Variants in CDH3 observed in about 807,000 individuals in gnomAD.
CDH3 encodes the protein cadherin 3.
CDH3 carries 54 observed loss-of-function variants against 82.0 expected under a neutral mutation model. The observed-to-expected ratio is 0.66, with a 90% CI of 0.53 to 0.83. The LOEUF (loss-of-function observed/expected upper bound fraction) is 0.83, where lower values mean the gene tolerates loss of function less well. Among genes scored for constraint, CDH3 ranks in the 40% least tolerant of loss-of-function variants. CDH3 has a pLI of 0.00. For missense variants in CDH3, 1,054 were observed against 1,084.6 expected, an observed-to-expected ratio of 0.97 and a Z score of 0.40; for synonymous variants, 446 against 437.9, an observed-to-expected ratio of 1.02 and a Z score of -0.23.
intron 9 of CDH3, among the ~76,000 whole-genome samples, chr16:68,683,706 GA>G (rs1211855143): frequency 2.3e-4 from 6 of 26,140 alleles, no homozygotes; most frequent in Admixed American, 4.3e-4. Context: ...ACAACATGGA[GA>G]AAAAAAAAAA....
rs752024803 is a variant in CDH3, at chr16:68,678,185, C to T, written c.298C>T (p.Arg100Cys). 22 of 1,613,568 alleles carry T rather than the reference C, an allele frequency of 1.4e-5. No individual in the cohort carries two copies. Among genetic ancestry groups the T allele is most frequent in the East Asian group, 6.7e-5 (3 of 44,888 alleles). ...TCCATTGAAGATCTTCCCATCCAAA[C>T]GTATCTTACGAAGACACAAGAGAGA... is the stretch of plus-strand genomic sequence containing the variant. ...RNPLKIFPSKRILRRHKRDWV... is the reference protein window; with the variant it reads ...RNPLKIFPSKCILRRHKRDWV... The change falls in exon 4 of 16, where the codon CGT (arginine) becomes TGT (cysteine). Residue 100 changes from arginine (R) to cysteine (C), a missense_variant. Physicochemically the swap from Arg to Cys is radical, Grantham distance 180. Coordinates refer to ENST00000264012, the MANE Select transcript of CDH3 (RefSeq NM_001793.6).
chr16:68,694,656 C>T (rs1002569995), intron 13 of CDH3, among the ~76,000 whole-genome samples: 1 of 151,834 alleles, frequency 6.6e-6, no homozygotes, highest in African/African-American at 2.4e-5. Context: ...ACACTGCATT[C>T]CACGTAAGTT....
Position 68,645,690 on chromosome 16 carries a change from G to A in CDH3, c.100G>A (p.Ala34Thr), listed in dbSNP as rs749754991. The change falls in exon 2 of 16, where the codon GCT becomes ACT. Residue 34 changes from alanine to threonine, a missense_variant. Transcript: ENST00000264012. ...GCCGTGCCGGGCGGTCTTCAGGGAGGCTGAAGTGACCTTGGAGGCGGGAGG... is the reference window on the plus strand; with the variant it reads ...GCCGTGCCGGGCGGTCTTCAGGGAGACTGAAGTGACCTTGGAGGCGGGAGG... ...SEPCRAVFRE[A>T]EVTLEAGGAE... 3.4e-5 allele frequency: 52 copies of A among 1,546,142 alleles called. No homozygotes were observed. The South Asian group carries it at 5.8e-4, about 17-fold the overall frequency.
rs1037563477 is a variant in CDH3 at position 68,719,569 on chromosome 16, G to A, written c.100-2856G>A. On this transcript the variant is annotated intron_variant, in intron 1 of 2. Coordinates refer to the CDH3 transcript ENST00000569080. ...GTCACCCAGGCTGGAGTGCAGTGGC[G>A]CCATCTTGGCTCACTGCAACCTCTG... Among the ~76,000 whole-genome samples, 6 of 145,146 alleles carry A rather than the reference G, an allele frequency of 4.1e-5. No individual in the cohort carries two copies. In the South Asian group the frequency reaches 6.8e-4, roughly 16 times the overall value.
chr16:68,664,799 C>A (rs1960690154), intron 2 of CDH3, among the ~76,000 whole-genome samples: 1 of 151,994 alleles, frequency 6.6e-6, no homozygotes, highest in Non-Finnish European at 1.5e-5. Flanking sequence ...GCTGGGACCA[C>A]AGGCATGCAC....
chr16:68,685,485 A>T, intron 11 of CDH3, 135 bp downstream of exon 11: 1 of 911,052 alleles, frequency 1.1e-6, no homozygotes, highest in Non-Finnish European at 1.7e-6. Context: ...CAGACGGTCA[A>T]AGGGGTCTTT....
chr16:68,670,223 C>CAAAAA (rs71148932), intron 2 of CDH3, among the ~76,000 whole-genome samples: 24 of 90,988 alleles, frequency 2.6e-4, no homozygotes, highest in African/African-American at 7.1e-4. Context: ...GACTCTGTCT[C>CAAAAA]AAAAAAAAAA....
chr16:68,706,064 CA>C (rs548695101), intron 1 of CDH3, among the ~76,000 whole-genome samples: 21,273 of 70,550 alleles, frequency 0.3, 2,032 homozygotes, highest in African/African-American at 0.46. Flanking sequence ...GACTCCGTCT[CA>C]AAAAAAAAAA....
intron 14 of CDH3, 71 bp downstream of exon 14, chr16:68,695,456 C>T: frequency 6.8e-7 from 1 of 1,480,030 alleles, no homozygotes; most frequent in Admixed American, 2.0e-5. Context: ...GTTGGGTCAA[C>T]CAACTGACCA....
At chr16:68,723,197 G>A (rs1962183394) in intron 2 of CDH3, among the ~76,000 whole-genome samples, 4 of 151,980 alleles carry the variant, frequency 2.6e-5, no homozygotes, top group Admixed American at 2.6e-4. Context: ...AGAAGTACTT[G>A]TTAGAAGATG....
intron 13 of CDH3, 95 bp from the exon 14 acceptor site, chr16:68,695,160 G>T: frequency 7.7e-7 from 1 of 1,290,882 alleles, no homozygotes; most frequent in Non-Finnish European, 1.1e-6. Flanking sequence ...GCTACTGAGT[G>T]AGGACATCTG....
intron 7 of CDH3, among the ~76,000 whole-genome samples, chr16:68,680,450 G>A (rs373176215): frequency 6.6e-5 from 10 of 152,190 alleles, no homozygotes; most frequent in East Asian, 5.8e-4. Context: ...AGGCCAAGGC[G>A]GGAGGATCAC....
intron 11 of CDH3, among the ~76,000 whole-genome samples, chr16:68,686,875 C>T (rs910040978): frequency 3.9e-5 from 6 of 152,218 alleles, no homozygotes; most frequent in South Asian, 2.1e-4. Flanking sequence ...GGCTGAGGCA[C>T]GAGAATCACC....
chr16:68,683,258 C>A (rs770411392), intron 9 of CDH3, among the ~76,000 whole-genome samples: 3 of 152,096 alleles, frequency 2.0e-5, no homozygotes, highest in African/African-American at 4.8e-5. Context: ...CTTTGTAATG[C>A]CACTTCGACA....
intron 2 of CDH3, among the ~76,000 whole-genome samples, chr16:68,672,060 C>T (rs541641072): frequency 3.4e-4 from 52 of 151,846 alleles, no homozygotes; most frequent in Non-Finnish European, 6.0e-4. Flanking sequence ...GGCGAGGTGG[C>T]GGGCGCCTGT....
At chr16:68,719,173 G>A (rs1240789190) in intron 1 of CDH3, among the ~76,000 whole-genome samples, 1 of 151,680 alleles carries the variant, frequency 6.6e-6, no homozygotes, top group Non-Finnish European at 1.5e-5. Flanking sequence ...AACCCAGGAG[G>A]TGGAGGTTGC....
rs1199101103 is a variant in CDH3, at chr16:68,683,651, CAAAAAAAA to C, written c.1183-910_1183-903del. Among the ~76,000 whole-genome samples the C allele has an allele frequency of 2.8e-3, 195 of 69,848 alleles. 2 individuals carry two copies. Among genetic ancestry groups the C allele is most frequent in the African/African-American group, 0.012 (189 of 15,386 alleles). The allele number at this position is 69,848 out of a possible 152,430, so 45.8% of individuals were successfully genotyped here. ...TGGGTGACAGAGCAAGACTCTGTCT[CAAAAAAAA>C]AAAAAAAAAAAAAAAAAAAAAGAAA... is the stretch of plus-strand genomic sequence containing the variant. On this transcript the variant is annotated intron_variant, in intron 9 of 15. Transcript: ENST00000264012.
At chr16:68,662,544 C>CTTTT (rs34173111) in intron 2 of CDH3, among the ~76,000 whole-genome samples, 4 of 94,024 alleles carry the variant, frequency 4.3e-5, no homozygotes, top group Non-Finnish European at 8.4e-5. Context: ...TGAAGCCAGC[C>CTTTT]TTTTTTTTTT....
chr16:68,688,072 C>T (rs548597303), intron 12 of CDH3, among the ~76,000 whole-genome samples: 11 of 151,446 alleles, frequency 7.3e-5, no homozygotes, highest in Non-Finnish European at 1.6e-4. Flanking sequence ...TGGGTCCTGA[C>T]TCTCGCTATG....
Sources: allele counts gnomAD v4.1 joint callset (sites outside exome capture counted in the v4.1 genomes callset), GRCh38; gene constraint gnomAD v4.1.1; transcripts MANE v1.5; gene names NCBI Gene and HGNC (gene_info 2026-07-23, HGNC 2026-07-21).